IDI1: variants seen among roughly 807,000 people sequenced by gnomAD.
IDI1 encodes isopentenyl-diphosphate delta isomerase 1.
A neutral mutation model predicts 32.9 loss-of-function variants in IDI1; 23 were observed. The observed-to-expected ratio is 0.70, with a 90% CI of 0.50 to 0.99. The LOEUF (loss-of-function observed/expected upper bound fraction) is 0.99, where lower values mean the gene tolerates loss of function less well. Among genes scored for constraint, IDI1 ranks in the 50% least tolerant of loss-of-function variants. IDI1 has a pLI of 0.00. For missense variants in IDI1, 326 were observed against 351.9 expected (o/e 0.93, Z 0.59); for synonymous variants, 133 against 128.2 (o/e 1.04, Z -0.25).
At chr10:1,050,597 A>T (rs1244159185), upstream of IDI1, among the ~76,000 whole-genome samples, 1 of 152,252 alleles carries the variant, frequency 6.6e-6, no homozygotes, top group Admixed American at 6.5e-5. Context: ...ATTATTACTT[A>T]ATTATTCCAG....
chr10:1,051,293 T>A (rs1375568847), upstream of IDI1, among the ~76,000 whole-genome samples: 1 of 152,260 alleles, frequency 6.6e-6, no homozygotes, highest in African/African-American at 2.4e-5. Context: ...GGCTTCCACA[T>A]AAAGTCACCA....
At chr10:1,049,984 G>A (rs1211195136), upstream of IDI1, among the ~76,000 whole-genome samples, 1 of 152,166 alleles carries the variant, frequency 6.6e-6, no homozygotes, top group Admixed American at 6.5e-5. Context: ...TGAAATGTAT[G>A]CGCAGCTGAA....
rs758589290 is a variant in IDI1, at chr10:1,041,345, T to C, written c.697A>G (p.Lys233Glu). The C allele has an allele frequency of 1.2e-6, 2 of 1,613,878 alleles. No individual in the cohort carries two copies. Among genetic ancestry groups the C allele is most frequent in the Non-Finnish European group, 1.7e-6 (2 of 1,179,824 alleles). ...TTCAGAAGTTCTTTTAGTTCTTCCT[T>C]TGACACATAACAATAGCTTTTAATC... Reference protein sequence around the residue: ...NEIKSYCYVSKEELKELLKKA... With the variant: ...NEIKSYCYVSEEELKELLKKA... Residue 233 changes from lysine to glutamate, a missense_variant, in exon 5 of 5, where the codon AAG becomes GAG. Coordinates refer to ENST00000381344, the MANE Select transcript of IDI1 (RefSeq NM_004508.4).
At chr10:1,053,814 C>G (rs1156607600), upstream of IDI1, among the ~76,000 whole-genome samples, 1 of 151,562 alleles carries the variant, frequency 6.6e-6, no homozygotes, top group African/African-American at 2.4e-5. Context: ...ACTGCAGCCT[C>G]GAACTCCTAG....
In IDI1 at chr10:1,040,908, GATTAA is replaced by G. The variant is rs1388856841; in HGVS notation, c.*274_*278del. The G allele has an allele frequency of 3.4e-5, 10 of 296,534 alleles. No homozygotes were observed. The highest frequency in any genetic ancestry group is 2.1e-4 in the South Asian group (3 of 13,962). 18.4% of individuals were successfully genotyped at this position (296,534 alleles called of 1,614,324 possible). A position where few individuals can be genotyped will look rare whatever the true frequency, so the allele number is the denominator to read the frequency against. ...TTTCCCATAAGTATGTATCTGCAAA[GATTAA>G]ATTAAGTTTTATTTGCTCGCTCTCA... On this transcript the variant is annotated 3_prime_UTR_variant, in exon 5 of 5. Transcript: ENST00000381344.
upstream of IDI1, among the ~76,000 whole-genome samples, chr10:1,050,286 A>G (rs952850393): frequency 6.6e-6 from 1 of 152,224 alleles, no homozygotes; most frequent in South Asian, 2.1e-4. Flanking sequence ...ATTTTGTTTT[A>G]TGTGTTGACA....
intron 1 of IDI1, chr10:1,048,150 C>G: frequency 4.0e-6 from 4 of 1,002,720 alleles, no homozygotes; most frequent in Non-Finnish European, 5.5e-6. Flanking sequence ...CGTGCACCAC[C>G]GCCCAGCTGT....
chr10:1,043,894 A>T, intron 2 of IDI1, 105 bp downstream of exon 2: 1 of 923,654 alleles, frequency 1.1e-6, no homozygotes, highest in Non-Finnish European at 1.7e-6. Flanking sequence ...ACGAGAAAAT[A>T]CGGTATTACT....
Position 1,042,613 on chromosome 10 carries a change from G to A in IDI1, c.537+19C>T. 1.2e-6 allele frequency: 2 copies of A among 1,612,966 alleles called. No individual in the cohort carries two copies. Among genetic ancestry groups the A allele is most frequent in the Middle Eastern group, 1.7e-4 (1 of 5,970 alleles). On this transcript the variant is annotated intron_variant, in intron 4 of 4. Coordinates refer to ENST00000381344, the MANE Select transcript of IDI1 (RefSeq NM_004508.4). Reference sequence around the variant, plus strand: ...TGTTTAGGTTTCAGCTTGTATGGTTGTGTAGGAGAGCTGGTTACCTCTTCC... The same window carrying A: ...TGTTTAGGTTTCAGCTTGTATGGTTATGTAGGAGAGCTGGTTACCTCTTCC...
intron 2 of IDI1, 185 bp from the exon 3 acceptor site, chr10:1,043,578 G>A: frequency 1.4e-6 from 1 of 690,936 alleles, no homozygotes. Flanking sequence ...CAAGGAAGTT[G>A]GCCGTCGAGT....
intron 4 of IDI1, among the ~76,000 whole-genome samples, chr10:1,042,321 C>A (rs539639878): frequency 1.3e-5 from 2 of 152,058 alleles, no homozygotes; most frequent in South Asian, 4.2e-4. Flanking sequence ...AACTGGAAAA[C>A]CTGTCAGTTA....
upstream of IDI1, among the ~76,000 whole-genome samples, chr10:1,052,853 T>C (rs1833049335): frequency 6.6e-6 from 1 of 152,212 alleles, no homozygotes; most frequent in Non-Finnish European, 1.5e-5. Flanking sequence ...AGCCAGGCTT[T>C]GACTTCTCCT....
intron 1 of IDI1, 77 bp from the exon 2 acceptor site, chr10:1,044,248 T>G (rs1832728724): frequency 9.1e-7 from 1 of 1,101,476 alleles, no homozygotes; most frequent in Admixed American, 2.2e-5. Context: ...TTAATAATGA[T>G]GCTGCTTCCC....
chr10:1,054,457 A>G, the IDI1 span, among the ~76,000 whole-genome samples: 1 of 152,228 alleles, frequency 6.6e-6, no homozygotes, highest in South Asian at 2.1e-4. Flanking sequence ...TCCCTATCAA[A>G]CCATGCGCAA....
Position 1,040,514 on chromosome 10 carries a change from TA to T in IDI1, c.*672del, listed in dbSNP as rs1400926482. 2 of 152,282 alleles carry T rather than the reference TA, an allele frequency of 1.3e-5. No individual in the cohort carries two copies. Among genetic ancestry groups the T allele is most frequent in the Non-Finnish European group, 2.9e-5 (2 of 68,072 alleles). 9.4% of individuals were successfully genotyped at this position (152,282 alleles called of 1,614,324 possible). A position where few individuals can be genotyped will look rare whatever the true frequency, so the allele number is the denominator to read the frequency against. The stretch of plus-strand genomic sequence containing the variant: ...GTAATTCTGAAAACACAGACTTTGC[TA>T]ACTGGTAAATACTATTTACAAGAAG... On this transcript the variant is annotated 3_prime_UTR_variant, in exon 5 of 5. Transcript: ENST00000381344.
At chr10:1,047,837 T>C (rs1055965973) in intron 1 of IDI1, among the ~76,000 whole-genome samples, 3 of 152,268 alleles carry the variant, frequency 2.0e-5, no homozygotes, top group Non-Finnish European at 4.4e-5. Context: ...TTGTGCTGTA[T>C]TGTTTACAGA....
rs1271214244 is a variant in IDI1 at position 1,048,898 on chromosome 10, C to A, written c.106G>T (p.Gly36Ter). ...CTCCGGCCACAGACAACCGCCGGTC[C>A]CGGATGGCGCCCGCTTTGAGCACAG... ...ADCAQSGRHP[G>*]PAVVCGRRLI... The change falls in exon 1 of 5, where the codon GGA (glycine) becomes TGA (stop). Residue 36 changes from glycine (G) to a stop codon, truncating the protein, a stop_gained. Transcript: ENST00000381344. LOFTEE classifies it high-confidence loss of function. The A allele has an allele frequency of 1.9e-5, 31 of 1,606,890 alleles. No individual in the cohort carries two copies. Among genetic ancestry groups the A allele is most frequent in the Non-Finnish European group, 2.5e-5 (30 of 1,177,958 alleles).
At chr10:1,054,357 A>T in the IDI1 span, among the ~76,000 whole-genome samples, 1 of 152,254 alleles carries the variant, frequency 6.6e-6, no homozygotes, top group East Asian at 1.9e-4. Context: ...CAAACAGCTT[A>T]TAACACTATA....
At chr10:1,048,615 G>T (rs1240464972) in intron 1 of IDI1, 3 of 1,400,190 alleles carry the variant, frequency 2.1e-6, no homozygotes, top group Non-Finnish European at 2.8e-6. Flanking sequence ...CGCTGACAAA[G>T]AATGGCAACG....
Sources: gnomAD v4.1 joint callset for allele counts (sites outside exome capture counted in the v4.1 genomes callset) on GRCh38, gnomAD v4.1.1 for gene constraint, MANE v1.5 for transcripts, NCBI Gene and HGNC (gene_info 2026-07-23, HGNC 2026-07-21) for gene names.